Variants in PTPRE observed in about 807,000 individuals in gnomAD.
PTPRE encodes receptor-type tyrosine-protein phosphatase epsilon.
A neutral mutation model predicts 102.0 loss-of-function variants in PTPRE; 51 were observed. That is an observed-to-expected ratio of 0.50 (90% confidence interval 0.40 to 0.63). The LOEUF (loss-of-function observed/expected upper bound fraction) is 0.63. Ranked by LOEUF, PTPRE falls within the 30% of genes least tolerant of loss-of-function variation. The probability of loss-of-function intolerance (pLI) is 0.00; values close to 1 mark genes in which losing one functional copy is unlikely to be tolerated. For missense variants in PTPRE, 752 were observed against 915.1 expected, an observed-to-expected ratio of 0.82 and a Z score of 2.30; for synonymous variants, 345 against 348.2, an observed-to-expected ratio of 0.99 and a Z score of 0.10.
intron 2 of PTPRE, among the ~76,000 whole-genome samples, chr10:128,031,425 T>C (rs1410207892): frequency 1.3e-5 from 2 of 152,238 alleles, no homozygotes; most frequent in Non-Finnish European, 2.9e-5. Flanking sequence ...GTTTCCAACA[T>C]TCCCAACACT....
At chr10:128,006,361 A>T (rs897902184) in intron 2 of PTPRE, among the ~76,000 whole-genome samples, 1 of 152,254 alleles carries the variant, frequency 6.6e-6, no homozygotes, top group African/African-American at 2.4e-5. Flanking sequence ...CAACCTGAGC[A>T]CAGGAATTGT....
In PTPRE at chr10:127,997,423, G is replaced by A. The variant is rs555118903; in HGVS notation, c.-8+15127G>A. 3.9e-5 allele frequency among the ~76,000 whole-genome samples: 6 copies of A among 152,300 alleles called. No individual in the cohort carries two copies. The East Asian group carries it at 5.8e-4, about 15-fold the overall frequency. ...CATCCTCCCCCAACCTGGACTCAGG[G>A]GCTGCAGCCTCAGAGGACCAGCGTC... is the stretch of plus-strand genomic sequence containing the variant. On this transcript the variant is annotated intron_variant, in intron 2 of 20. Transcript: ENST00000254667.
chr10:127,936,528 C>G (rs1847855254), intron 1 of PTPRE, among the ~76,000 whole-genome samples: 1 of 152,188 alleles, frequency 6.6e-6, no homozygotes, highest in African/African-American at 2.4e-5. Context: ...CTGCTTCTGT[C>G]TGGAAGTGAC....
Position 128,049,573 on chromosome 10 carries a change from C to T in PTPRE, c.327C>T (p.Pro109=), listed in dbSNP as rs751044870. 6.2e-7 allele frequency: 1 copy of T among 1,613,992 alleles called. No homozygotes were observed. Among genetic ancestry groups the T allele is most frequent in the Non-Finnish European group, 8.5e-7 (1 of 1,180,022 alleles). Residue 109 remains proline, a synonymous_variant, in exon 6 of 21, where the codon CCC becomes CCT. Coordinates refer to ENST00000254667, the MANE Select transcript of PTPRE (RefSeq NM_006504.6). ...VMLLSRSPSG[P]KKYFPIPVEH... Reference sequence around the variant, plus strand: ...TGCTCAGCAGGTCACCCTCAGGGCCCAAGAAGTATTTTCCCATCCCCGTGG... The same window carrying T: ...TGCTCAGCAGGTCACCCTCAGGGCCTAAGAAGTATTTTCCCATCCCCGTGG...
intron 1 of PTPRE, among the ~76,000 whole-genome samples, chr10:127,939,978 G>A (rs116857399): frequency 0.048 from 6,983 of 144,030 alleles, 249 homozygotes; most frequent in Non-Finnish European, 0.07. Context: ...AGATGTGGGC[G>A]GGTGGAGGCA....
At chr10:127,995,813 C>T (rs985335197) in intron 2 of PTPRE, among the ~76,000 whole-genome samples, 3 of 136,788 alleles carry the variant, frequency 2.2e-5, no homozygotes, top group South Asian at 2.3e-4. Flanking sequence ...TTTATACCAA[C>T]TCTACACGAG....
At chr10:128,011,379 G>A (rs775135782) in intron 2 of PTPRE, among the ~76,000 whole-genome samples, 22 of 152,256 alleles carry the variant, frequency 1.4e-4, no homozygotes, top group Non-Finnish European at 2.6e-4. Flanking sequence ...CGTTTCTAGA[G>A]TGATCCTGCA....
Position 128,082,195 on chromosome 10 carries a change from CTTTTTTTTT to C in PTPRE, c.2029-617_2029-609del, listed in dbSNP as rs35709074. 5.6e-5 allele frequency among the ~76,000 whole-genome samples: 5 copies of C among 89,036 alleles called. No homozygotes were observed. In the South Asian group the frequency reaches 1.3e-3, roughly 23 times the overall value. 58.4% of individuals were successfully genotyped at this position (89,036 alleles called of 152,430 possible). A position where few individuals can be genotyped will look rare whatever the true frequency, so the allele number is the denominator to read the frequency against. On this transcript the variant is annotated intron_variant, in intron 20 of 20. Transcript: ENST00000254667. ...TTAGTACTCTGATTTTTTTCTCTTT[CTTTTTTTTT>C]TTTTTTTTTTTTTTTTTTTGAGACA... is the stretch of plus-strand genomic sequence containing the variant.
intron 7 of PTPRE, among the ~76,000 whole-genome samples, chr10:128,057,768 T>G (rs953378284): frequency 6.6e-6 from 1 of 152,178 alleles, no homozygotes; most frequent in Non-Finnish European, 1.5e-5. Flanking sequence ...AGCTGAGCCT[T>G]GACAGTAGCT....
At chr10:127,978,477 C>G (rs7084517) in intron 1 of PTPRE, among the ~76,000 whole-genome samples, 6,428 of 152,114 alleles carry the variant, frequency 0.042, 382 homozygotes, top group African/African-American at 0.12. Flanking sequence ...GGACATCAAG[C>G]CTACAGTGAG....
Position 127,936,678 on chromosome 10 carries a change from G to A in PTPRE, c.-31+29369G>A, listed in dbSNP as rs112413530. Among the ~76,000 whole-genome samples the A allele has an allele frequency of 2.2e-3, 342 of 152,208 alleles. 2 individuals are homozygous for A. Among genetic ancestry groups the A allele is most frequent in the African/African-American group, 5.4e-3 (225 of 41,538 alleles). The stretch of plus-strand genomic sequence containing the variant: ...CTTGCAGTAATCCCATAAGGGAAGC[G>A]TTGTCCCATTTTACAGAGAGTCCGT... On this transcript the variant is annotated intron_variant, in intron 1 of 20. Transcript: ENST00000254667.
intron 2 of PTPRE, among the ~76,000 whole-genome samples, chr10:128,038,782 T>C (rs937747107): frequency 1.3e-5 from 2 of 152,146 alleles, no homozygotes; most frequent in Admixed American, 6.5e-5. Flanking sequence ...GTTGTGCACA[T>C]GTACCCTAGA....
rs1390260988 is a variant in PTPRE at position 128,072,149 on chromosome 10, C to T, written c.1399C>T (p.Arg467Ter). The T allele has an allele frequency of 3.7e-6, 6 of 1,613,702 alleles. No individual in the cohort carries two copies. Among genetic ancestry groups the T allele is most frequent in the African/African-American group, 1.3e-5 (1 of 74,884 alleles). The change falls in exon 16 of 21, where the codon CGA (arginine) becomes TGA (stop). Residue 467 changes from arginine to a stop codon, truncating the protein, a stop_gained. Transcript: ENST00000254667. LOFTEE classifies it high-confidence loss of function. The stretch of plus-strand genomic sequence containing the variant: ...ATAATGCTTTGCAGATGACTTCAAC[C>T]GAGTGATCCTTTCCATGAAAAGGGG... ...VIQIIPYDFN[R>*]VILSMKRGQE...
intron 3 of PTPRE, among the ~76,000 whole-genome samples, chr10:128,045,682 G>A (rs1419546346): frequency 6.6e-6 from 1 of 152,182 alleles, no homozygotes; most frequent in Admixed American, 6.5e-5. Flanking sequence ...GCAGAGTGGA[G>A]AGGGGTGCTC....
chr10:128,038,879 T>G (rs772048779), intron 2 of PTPRE, among the ~76,000 whole-genome samples: 44 of 152,222 alleles, frequency 2.9e-4, no homozygotes, highest in Non-Finnish European at 5.6e-4. Flanking sequence ...TTCTGCAGGT[T>G]GTCGCCCATT....
chr10:128,077,377 G>C (rs1851296146), intron 18 of PTPRE, among the ~76,000 whole-genome samples: 1 of 152,244 alleles, frequency 6.6e-6, no homozygotes, highest in Non-Finnish European at 1.5e-5. Flanking sequence ...CAGGGATCCA[G>C]GGGATGTCCT....
rs188466118 is a variant in PTPRE, at chr10:128,023,024, G to A, written c.-7-17851G>A. ...ATCTGCATTTGCTACAGTGGCCCCC[G>A]TCCGTGGTTCCACTTCCACAGTTTC... On this transcript the variant is annotated intron_variant, in intron 2 of 20. Transcript: ENST00000254667. 3.7e-3 allele frequency among the ~76,000 whole-genome samples: 560 copies of A among 152,298 alleles called. 4 individuals are homozygous for A. The highest frequency in any genetic ancestry group is 0.01 in the African/African-American group (430 of 41,558).
intron 17 of PTPRE, 35 bp downstream of exon 17, chr10:128,073,506 C>A: frequency 6.4e-7 from 1 of 1,569,626 alleles, no homozygotes; most frequent in Non-Finnish European, 8.7e-7. Flanking sequence ...CCCTCCAGGG[C>A]AGCCTGTGCA....
At chr10:127,963,792 G>A (rs903173261) in intron 1 of PTPRE, among the ~76,000 whole-genome samples, 1 of 152,218 alleles carries the variant, frequency 6.6e-6, no homozygotes, top group African/African-American at 2.4e-5. Flanking sequence ...TCCTGGTGCT[G>A]AGCACAGCTC....
Sources: gnomAD v4.1 joint callset for allele counts (sites outside exome capture counted in the v4.1 genomes callset) on GRCh38, gnomAD v4.1.1 for gene constraint, MANE v1.5 for transcripts, NCBI Gene and HGNC (gene_info 2026-07-23, HGNC 2026-07-21) for gene names.